Variants in RALYL observed in about 807,000 individuals in gnomAD.
The protein encoded by RALYL is RNA-binding Raly-like protein.
RALYL carries 29 observed loss-of-function variants against 35.1 expected under a neutral mutation model. The ratio of observed to expected loss-of-function variants is 0.83; its 90% CI spans 0.61 to 1.13. RALYL has a LOEUF of 1.13. RALYL is among the 50% of genes most tolerant of loss of function. The probability of loss-of-function intolerance (pLI) is 0.00; values close to 1 mark genes in which losing one functional copy is unlikely to be tolerated. For synonymous variants in RALYL, 120 were observed against 127.6 expected (o/e 0.94, Z 0.40); for missense variants, 359 against 360.4 (o/e 1.00, Z 0.03).
intron 2 of RALYL, among the ~76,000 whole-genome samples, chr8:84,704,009 G>A (rs1326917624): frequency 6.6e-6 from 1 of 152,304 alleles, no homozygotes; most frequent in East Asian, 1.9e-4. Context: ...GATGTGAAAT[G>A]ACAAGTATTT....
intron 1 of RALYL, among the ~76,000 whole-genome samples, chr8:84,210,376 A>ATTTTTTTTTTT (rs35997676): frequency 6.7e-6 from 1 of 149,754 alleles, no homozygotes; most frequent in Non-Finnish European, 1.5e-5. Context: ...CTCAAATTGG[A>ATTTTTTTTTTT]TTTTTTTTTT....
intron 1 of RALYL, among the ~76,000 whole-genome samples, chr8:84,466,690 A>G (rs1014231544): frequency 6.6e-6 from 1 of 151,760 alleles, no homozygotes; most frequent in African/African-American, 2.4e-5. Context: ...CTCTTTTTCT[A>G]TTGATTAGAA....
intron 1 of RALYL, among the ~76,000 whole-genome samples, chr8:84,417,345 G>C (rs1013961249): frequency 2.6e-5 from 4 of 152,044 alleles, no homozygotes; most frequent in African/African-American, 9.7e-5. Flanking sequence ...GATCCTCCTT[G>C]GAGGACAGAA....
At chr8:84,366,054 T>C (rs1445170598) in intron 1 of RALYL, among the ~76,000 whole-genome samples, 4 of 152,202 alleles carry the variant, frequency 2.6e-5, no homozygotes. Flanking sequence ...TCCCAGATGA[T>C]ATCATCCAGT....
At chr8:84,732,572 T>C (rs1403045590) in intron 2 of RALYL, among the ~76,000 whole-genome samples, 1 of 151,318 alleles carries the variant, frequency 6.6e-6, no homozygotes, top group Non-Finnish European at 1.5e-5. Context: ...ATTTAAGAAA[T>C]ATAAAATACA....
At chr8:84,508,951 A>G (rs1189223035) in intron 1 of RALYL, among the ~76,000 whole-genome samples, 1 of 152,176 alleles carries the variant, frequency 6.6e-6, no homozygotes, top group African/African-American at 2.4e-5. Flanking sequence ...TATGTAAATG[A>G]ACATAATGAC....
At chr8:84,520,165 A>G (rs919609170) in intron 1 of RALYL, among the ~76,000 whole-genome samples, 7 of 152,234 alleles carry the variant, frequency 4.6e-5, no homozygotes, top group Admixed American at 2.0e-4. Flanking sequence ...TTTTCTATAT[A>G]ACTCAAAACT....
At chr8:84,849,313 G>A (rs1451587946) in intron 4 of RALYL, among the ~76,000 whole-genome samples, 1 of 151,870 alleles carries the variant, frequency 6.6e-6, no homozygotes, top group Non-Finnish European at 1.5e-5. Context: ...CATAGTTTTA[G>A]AATTAAAAAA....
chr8:84,192,205 T>C (rs1484544911), intron 1 of RALYL, among the ~76,000 whole-genome samples: 1 of 152,212 alleles, frequency 6.6e-6, no homozygotes, highest in African/African-American at 2.4e-5. Context: ...TTCCAGTTTA[T>C]AGAAAAATTC....
At chr8:84,575,843 T>C (rs1266484701) in intron 2 of RALYL, among the ~76,000 whole-genome samples, 1 of 151,996 alleles carries the variant, frequency 6.6e-6, no homozygotes, top group Non-Finnish European at 1.5e-5. Flanking sequence ...AAAGAGAATA[T>C]TGACTGGGCA....
chr8:84,529,649 C>G, intron 2 of RALYL, 72 bp downstream of exon 2: 1 of 1,394,384 alleles, frequency 7.2e-7, no homozygotes. Flanking sequence ...TCACAAAACC[C>G]AACACCACTG....
chr8:84,266,935 G>A (rs887341372), intron 1 of RALYL, among the ~76,000 whole-genome samples: 3 of 148,858 alleles, frequency 2.0e-5, no homozygotes, highest in Non-Finnish European at 4.5e-5. Flanking sequence ...ACTCCAGCCT[G>A]GGCGACAGAG....
At chr8:84,268,045 A>C (rs1281484553) in intron 1 of RALYL, among the ~76,000 whole-genome samples, 1 of 152,222 alleles carries the variant, frequency 6.6e-6, no homozygotes, top group Non-Finnish European at 1.5e-5. Flanking sequence ...AATAGGTAAT[A>C]AACAATATGG....
intron 1 of RALYL, among the ~76,000 whole-genome samples, chr8:84,420,504 C>G (rs1259191363): frequency 6.7e-6 from 1 of 149,680 alleles, no homozygotes; most frequent in Non-Finnish European, 1.5e-5. Flanking sequence ...GTTGCCTGTT[C>G]ACTCTGATGG....
At chr8:84,326,497 G>C (rs1453458216) in intron 1 of RALYL, among the ~76,000 whole-genome samples, 1 of 152,130 alleles carries the variant, frequency 6.6e-6, no homozygotes, top group Non-Finnish European at 1.5e-5. Flanking sequence ...TGGGTAGACA[G>C]TTGAAATATT....
In RALYL at chr8:84,470,481, C is replaced by A. The variant is rs571504397; in HGVS notation, c.-23-58818C>A. Among the ~76,000 whole-genome samples, 61 of 140,304 alleles carry A rather than the reference C, an allele frequency of 4.3e-4. 1 individual carries two copies. The East Asian group carries it at 9.1e-3, about 21-fold the overall frequency. 92.0% of individuals were successfully genotyped at this position (140,304 alleles called of 152,430 possible). On this transcript the variant is annotated intron_variant, in intron 1 of 8. Transcript: ENST00000521268. ...CTGATTGTATGGGTTTTTTTTTTTT[C>A]TGTTGCCAAAAAAAGCCTTTTTGAG... is the stretch of plus-strand genomic sequence containing the variant.
intron 2 of RALYL, among the ~76,000 whole-genome samples, chr8:84,564,856 A>G (rs1385883343): frequency 6.6e-6 from 1 of 151,668 alleles, no homozygotes; most frequent in Admixed American, 6.6e-5. Context: ...ATATATGAAA[A>G]TATTCATATA....
At position 84,769,178 on chromosome 8, in the gene RALYL, T is replaced by C. The variant is rs183352783; in HGVS notation, c.257-5401T>C. 2.4e-3 allele frequency among the ~76,000 whole-genome samples: 366 copies of C among 152,326 alleles called. 2 individuals carry two copies. Among genetic ancestry groups the C allele is most frequent in the African/African-American group, 8.5e-3 (352 of 41,558 alleles). On this transcript the variant is annotated intron_variant, in intron 2 of 8. Transcript: ENST00000521268. Reference sequence around the variant, plus strand: ...GCTTAAAAAACTTGTAGAAATCTGTTTTTATTTTACATGCTTTTTTTGTTA... The same window carrying C: ...GCTTAAAAAACTTGTAGAAATCTGTCTTTATTTTACATGCTTTTTTTGTTA...
chr8:84,351,093 C>T (rs1563774472), intron 1 of RALYL, among the ~76,000 whole-genome samples: 1 of 149,690 alleles, frequency 6.7e-6, no homozygotes, highest in Non-Finnish European at 1.5e-5. Context: ...GTTAACTCTT[C>T]TTTAGAACTT....
Sources: allele counts gnomAD v4.1 joint callset (sites outside exome capture counted in the v4.1 genomes callset), GRCh38; gene constraint gnomAD v4.1.1; transcripts MANE v1.5; gene names NCBI Gene and HGNC (gene_info 2026-07-23, HGNC 2026-07-21).